PARD3: variants seen among roughly 807,000 people sequenced by gnomAD.
PARD3 encodes the protein par-3 family cell polarity regulator, also known as partitioning defective 3 homolog.
A neutral mutation model predicts 155.4 loss-of-function variants in PARD3; 75 were observed. The observed-to-expected ratio is 0.48, with a 90% CI of 0.40 to 0.58. The LOEUF (loss-of-function observed/expected upper bound fraction) is 0.58. PARD3 is among the 20% of genes least tolerant of loss of function. The pLI, the probability that PARD3 is intolerant of heterozygous loss-of-function variation, is 0.00. For synonymous variants in PARD3, 576 were observed against 610.5 expected (o/e 0.94, Z 0.83); for missense variants, 1,642 against 1,721.7 (o/e 0.95, Z 0.82).
rs374386445 is a variant in PARD3 at position 34,317,176 on chromosome 10, T to G, written c.2996A>C (p.Asp999Ala). ...CATTTTATCCTTCTCCTTATCTCTA[T>G]CTTTCTTCTTTTCTTTTCCAGTTTT... ...KDKTGKEKKK[D>A]RDKEKDKMKA... The change falls in exon 20 of 25, where the codon GAT (aspartate) becomes GCT (alanine). Residue 999 changes from aspartate to alanine, a missense_variant. Physicochemically the swap from Asp to Ala is moderately radical, Grantham distance 126. Coordinates refer to ENST00000374788, the MANE Select transcript of PARD3 (RefSeq NM_001184785.2). 2.0e-5 allele frequency: 32 copies of G among 1,608,262 alleles called. No individual in the cohort carries two copies. Among genetic ancestry groups the G allele is most frequent in the Non-Finnish European group, 2.5e-5 (29 of 1,177,090 alleles).
At chr10:34,159,931 G>C (rs1453968913) in intron 22 of PARD3, among the ~76,000 whole-genome samples, 3 of 152,196 alleles carry the variant, frequency 2.0e-5, no homozygotes, top group Non-Finnish European at 4.4e-5. Flanking sequence ...GACTCTATGA[G>C]GAGGGCAGTT....
At chr10:34,749,033 G>A (rs1003232851) in intron 1 of PARD3, among the ~76,000 whole-genome samples, 3 of 152,194 alleles carry the variant, frequency 2.0e-5, no homozygotes, top group Admixed American at 6.5e-5. Context: ...GGCATGAAGC[G>A]TAACCCATCA....
chr10:34,228,115 A>C (rs923208334), intron 22 of PARD3, among the ~76,000 whole-genome samples: 80 of 151,886 alleles, frequency 5.3e-4, no homozygotes, highest in African/African-American at 1.7e-3. Flanking sequence ...CCTTTACAGC[A>C]ACACAGATGG....
chr10:34,463,107 T>G (rs1362639804), intron 4 of PARD3, among the ~76,000 whole-genome samples: 84 of 50,524 alleles, frequency 1.7e-3, no homozygotes, highest in Middle Eastern at 0.018. Flanking sequence ...AATGGGAAAG[T>G]GAAGGGGAAG....
intron 4 of PARD3, among the ~76,000 whole-genome samples, chr10:34,450,678 C>T (rs1421515602): frequency 1.3e-5 from 2 of 152,152 alleles, no homozygotes; most frequent in Non-Finnish European, 2.9e-5. Context: ...GGGTGGCACA[C>T]ACACGGCACA....
At chr10:34,229,789 A>C (rs1405612691) in intron 22 of PARD3, among the ~76,000 whole-genome samples, 1 of 152,018 alleles carries the variant, frequency 6.6e-6, no homozygotes, top group Non-Finnish European at 1.5e-5. Context: ...TTACTGGGCA[A>C]TGAATGAACA....
chr10:34,709,003 A>C (rs773735528), intron 1 of PARD3, among the ~76,000 whole-genome samples: 1 of 152,164 alleles, frequency 6.6e-6, no homozygotes, highest in African/African-American at 2.4e-5. Context: ...AGTGCAAAAA[A>C]ATACACACGT....
At chr10:34,556,400 T>TG (rs1397560730) in intron 2 of PARD3, among the ~76,000 whole-genome samples, 1 of 134,956 alleles carries the variant, frequency 7.4e-6, no homozygotes, top group Non-Finnish European at 1.6e-5. Flanking sequence ...TTTTTTTTTT[T>TG]GAGACAGAGT....
intron 2 of PARD3, among the ~76,000 whole-genome samples, chr10:34,592,099 G>A (rs972307105): frequency 2.3e-5 from 3 of 130,948 alleles, no homozygotes; most frequent in Admixed American, 7.4e-5. Context: ...AACTTTAGGC[G>A]CTCCTAACTA....
chr10:34,803,269 AT>A (rs1255117200), intron 1 of PARD3, among the ~76,000 whole-genome samples: 4 of 151,552 alleles, frequency 2.6e-5, no homozygotes, highest in Admixed American at 6.6e-5. Flanking sequence ...AAAAAAAAAA[AT>A]AGAAGGCAGG....
At chr10:34,455,155 T>C (rs1019727834) in intron 4 of PARD3, among the ~76,000 whole-genome samples, 3 of 152,200 alleles carry the variant, frequency 2.0e-5, no homozygotes, top group African/African-American at 7.2e-5. Flanking sequence ...CATTTCTGTG[T>C]TGGCACAGGA....
chr10:34,714,040 T>C (rs1055740828), intron 1 of PARD3, among the ~76,000 whole-genome samples: 2 of 152,222 alleles, frequency 1.3e-5, no homozygotes, highest in African/African-American at 4.8e-5. Flanking sequence ...TCCTGTTTAC[T>C]TCTCCCTAGC....
intron 2 of PARD3, among the ~76,000 whole-genome samples, chr10:34,526,042 A>G (rs1325830079): frequency 7.2e-6 from 1 of 139,126 alleles, no homozygotes; most frequent in Non-Finnish European, 1.5e-5. Flanking sequence ...AGATCGCACC[A>G]CTGCACTTCA....
chr10:34,536,481 A>G (rs2083241541), intron 2 of PARD3, among the ~76,000 whole-genome samples: 1 of 152,238 alleles, frequency 6.6e-6, no homozygotes, highest in Non-Finnish European at 1.5e-5. Context: ...GAAAAGGCCT[A>G]AGCTCTTATC....
chr10:34,332,630 G>A (rs867637414), intron 18 of PARD3, among the ~76,000 whole-genome samples: 80 of 152,256 alleles, frequency 5.3e-4, no homozygotes, highest in African/African-American at 1.8e-3. Flanking sequence ...GCTATTTTGG[G>A]TAAGAATAGA....
chr10:34,282,914 G>T (rs1396192045), intron 21 of PARD3, among the ~76,000 whole-genome samples: 1 of 152,056 alleles, frequency 6.6e-6, no homozygotes, highest in Non-Finnish European at 1.5e-5. Context: ...GTCCTACAAA[G>T]CAAGGTGAAA....
At chr10:34,573,300 GA>G (rs1276241074) in intron 2 of PARD3, among the ~76,000 whole-genome samples, 5 of 152,144 alleles carry the variant, frequency 3.3e-5, no homozygotes, top group Non-Finnish European at 7.4e-5. Context: ...AGGCTGTAGT[GA>G]ACCATGATCA....
intron 1 of PARD3, among the ~76,000 whole-genome samples, chr10:34,742,041 T>C (rs1380001960): frequency 6.6e-6 from 1 of 152,298 alleles, no homozygotes; most frequent in East Asian, 1.9e-4. Flanking sequence ...AACTGCCTAT[T>C]TAGTTTTCAA....
At chr10:34,518,194 AT>A (rs2081911025) in intron 2 of PARD3, among the ~76,000 whole-genome samples, 1 of 152,184 alleles carries the variant, frequency 6.6e-6, no homozygotes, top group African/African-American at 2.4e-5. Flanking sequence ...CACAGTTTTT[AT>A]AAGTACATAG....
Sources: allele counts gnomAD v4.1 joint callset (sites outside exome capture counted in the v4.1 genomes callset), GRCh38; gene constraint gnomAD v4.1.1; transcripts MANE v1.5; gene names NCBI Gene and HGNC (gene_info 2026-07-23, HGNC 2026-07-21).